Variants in KDM7A observed in about 807,000 individuals in gnomAD.
KDM7A encodes lysine-specific demethylase 7A.
In KDM7A, 28 loss-of-function variants were observed where a neutral mutation model predicts 114.8. That is an observed-to-expected ratio of 0.24 (90% CI 0.18 to 0.33). The LOEUF (loss-of-function observed/expected upper bound fraction) is 0.33. Ranked by LOEUF, KDM7A falls within the 10% of genes least tolerant of loss-of-function variation. KDM7A has a pLI of 1.00. For missense variants in KDM7A, 942 were observed against 1,142.5 expected (o/e 0.82, Z 2.53); for synonymous variants, 423 against 397.8 (o/e 1.06, Z -0.75).
intron 3 of KDM7A, among the ~76,000 whole-genome samples, chr7:140,132,992 T>G (rs1219378050): frequency 6.6e-6 from 1 of 152,198 alleles, no homozygotes; most frequent in East Asian, 1.9e-4. Context: ...ATTAGCATGA[T>G]TAAATGCTTT....
At chr7:140,106,500 T>C (rs182911015) in intron 11 of KDM7A, among the ~76,000 whole-genome samples, 27 of 152,354 alleles carry the variant, frequency 1.8e-4, no homozygotes, top group Middle Eastern at 6.8e-3. Flanking sequence ...TTGTTCTCAT[T>C]GGTTTCAAAG....
intron 16 of KDM7A, 33 bp from the exon 17 acceptor site, chr7:140,096,796 C>G: frequency 6.3e-7 from 1 of 1,596,586 alleles, no homozygotes. Context: ...ACACAAGAGT[C>G]TATTTTTTCT....
chr7:140,142,163 AAC>A (rs1794290988), intron 1 of KDM7A, among the ~76,000 whole-genome samples: 3 of 150,634 alleles, frequency 2.0e-5, no homozygotes, highest in South Asian at 4.1e-4. Context: ...ACACACATAA[AAC>A]ACAAAGTACA....
chr7:140,157,653 A>C (rs985900761), intron 1 of KDM7A, among the ~76,000 whole-genome samples: 8 of 151,514 alleles, frequency 5.3e-5, no homozygotes, highest in African/African-American at 1.9e-4. Context: ...GACTCTAATT[A>C]ATCAATTAAC....
chr7:140,101,872 G>A (rs893237563), intron 12 of KDM7A, 79 bp downstream of exon 12: 6 of 925,788 alleles, frequency 6.5e-6, no homozygotes, highest in African/African-American at 1.6e-5. Flanking sequence ...CAATAGTCAA[G>A]ACTATTCTCT....
At chr7:140,162,689 T>C (rs892317168) in intron 1 of KDM7A, among the ~76,000 whole-genome samples, 1 of 152,134 alleles carries the variant, frequency 6.6e-6, no homozygotes, top group African/African-American at 2.4e-5. Flanking sequence ...TGACTACAGA[T>C]AAAAACAATT....
chr7:140,097,425 TA>T (rs3214226), intron 15 of KDM7A, 119 bp downstream of exon 15: 244,327 of 616,796 alleles, frequency 0.4, 50,412 homozygotes, highest in Middle Eastern at 0.52. Context: ...GACCCTGTGC[TA>T]ATGTAAGTCA....
chr7:140,106,294 T>G (rs1164598371), intron 11 of KDM7A, among the ~76,000 whole-genome samples: 1 of 152,232 alleles, frequency 6.6e-6, no homozygotes, highest in Non-Finnish European at 1.5e-5. Context: ...CCTTCAGTTC[T>G]GCTCTGATCT....
intron 11 of KDM7A, among the ~76,000 whole-genome samples, chr7:140,103,033 G>T (rs2116755999): frequency 6.6e-6 from 1 of 152,214 alleles, no homozygotes. Flanking sequence ...TAGAGTCACA[G>T]TGTTGCACAA....
chr7:140,116,591 G>A (rs1818533251), intron 9 of KDM7A, among the ~76,000 whole-genome samples: 1 of 152,092 alleles, frequency 6.6e-6, no homozygotes, highest in African/African-American at 2.4e-5. Flanking sequence ...TGCTTAATTT[G>A]GGTGGTGGTT....
chr7:140,110,979 T>G, intron 11 of KDM7A, 116 bp downstream of exon 11: 2 of 555,848 alleles, frequency 3.6e-6, no homozygotes, highest in Admixed American at 3.5e-5. Flanking sequence ...ACTCAGCTCA[T>G]TATATTTCTT....
intron 1 of KDM7A, among the ~76,000 whole-genome samples, chr7:140,175,694 C>G (rs972715505): frequency 6.6e-6 from 1 of 152,148 alleles, no homozygotes; most frequent in African/African-American, 2.4e-5. Context: ...GGCCTGGCTG[C>G]GGAGGCGGCC....
At chr7:140,158,593 A>G (rs1794484344) in intron 1 of KDM7A, among the ~76,000 whole-genome samples, 1 of 152,192 alleles carries the variant, frequency 6.6e-6, no homozygotes, top group African/African-American at 2.4e-5. Flanking sequence ...TGGAGATATA[A>G]AGTTGGCAAT....
Position 140,120,637 on chromosome 7 carries a change from T to C in KDM7A, c.1052-108A>G, listed in dbSNP as rs957427362. ...AAAATATCAATATCAGTTTACTTCA[T>C]ATTTCAGTGCTAGAGAAGTTAATGT... On this transcript the variant is annotated intron_variant, in intron 7 of 19. Coordinates refer to ENST00000397560, the MANE Select transcript of KDM7A (RefSeq NM_030647.2). 1.2e-5 allele frequency: 8 copies of C among 667,530 alleles called. No individual in the cohort carries two copies. The African/African-American group carries it at 1.4e-4, about 12-fold the overall frequency. 41.4% of individuals were successfully genotyped at this position (667,530 alleles called of 1,614,324 possible).
chr7:140,171,648 A>G (rs187500231), intron 1 of KDM7A, among the ~76,000 whole-genome samples: 395 of 145,906 alleles, frequency 2.7e-3, no homozygotes, highest in African/African-American at 7.9e-3. Flanking sequence ...TATTTTATAT[A>G]TATTTATATT....
intron 15 of KDM7A, 41 bp downstream of exon 15, chr7:140,097,504 T>G (rs147893725): frequency 3.7e-6 from 4 of 1,074,924 alleles, no homozygotes; most frequent in Non-Finnish European, 5.6e-6. Context: ...GTGCTCATCT[T>G]TCCATCAAAT....
intron 13 of KDM7A, among the ~76,000 whole-genome samples, chr7:140,099,508 C>A (rs1818167746): frequency 6.6e-6 from 1 of 152,108 alleles, no homozygotes; most frequent in Non-Finnish European, 1.5e-5. Context: ...ACAGATTAAA[C>A]GGGGGTCCCC....
intron 1 of KDM7A, among the ~76,000 whole-genome samples, chr7:140,171,064 CCAACAA>C (rs71520073): frequency 0.41 from 61,987 of 150,060 alleles, 13,043 homozygotes; most frequent in Middle Eastern, 0.46. Context: ...CCCCCATCCC[CCAACAA>C]CAACAACAAC....
chr7:140,100,681 C>CACATATATATATATATATATAT (rs1554395402), intron 12 of KDM7A, among the ~76,000 whole-genome samples: 6 of 44,338 alleles, frequency 1.4e-4, no homozygotes, highest in African/African-American at 1.9e-4. Flanking sequence ...TATATATATA[C>CACATATATATATATATATATAT]ATATATACAT....
Sources: allele counts gnomAD v4.1 joint callset (sites outside exome capture counted in the v4.1 genomes callset), GRCh38; gene constraint gnomAD v4.1.1; transcripts MANE v1.5; gene names NCBI Gene and HGNC (gene_info 2026-07-23, HGNC 2026-07-21).